The following GALNT13 variants were observed in gnomAD, a reference collection of about 807,000 sequenced individuals.
GALNT13 encodes UDP-GalNAc:polypeptide N-acetylgalactosaminyltransferase 13.
A neutral mutation model predicts 64.2 loss-of-function variants in GALNT13; 28 were observed. The observed-to-expected ratio is 0.44, with a 90% CI of 0.32 to 0.60. The LOEUF is 0.60. GALNT13 is among the 20% of genes least tolerant of loss of function. GALNT13 has a pLI of 0.05. For synonymous variants in GALNT13, 214 were observed against 224.6 expected (o/e 0.95, Z 0.42); for missense variants, 577 against 669.8 (o/e 0.86, Z 1.53).
the GALNT13 span, among the ~76,000 whole-genome samples, chr2:153,217,500 C>A: frequency 6.6e-6 from 1 of 151,984 alleles, no homozygotes; most frequent in East Asian, 1.9e-4. Flanking sequence ...CTCCTGGATG[C>A]TGTTTTATTT....
At chr2:154,343,650 T>C (rs926513386) in intron 9 of GALNT13, among the ~76,000 whole-genome samples, 1 of 152,084 alleles carries the variant, frequency 6.6e-6, no homozygotes, top group Non-Finnish European at 1.5e-5. Flanking sequence ...CTTACCTATG[T>C]TGATCTTGAA....
At chr2:153,121,686 G>A in the GALNT13 span, among the ~76,000 whole-genome samples, 7 of 152,008 alleles carry the variant, frequency 4.6e-5, no homozygotes, top group Non-Finnish European at 8.8e-5. Context: ...CCACGACCAT[G>A]CCTGTCTATT....
intron 7 of GALNT13, 82 bp from the exon 8 acceptor site, chr2:154,258,939 C>T: frequency 2.8e-6 from 2 of 719,010 alleles, no homozygotes; most frequent in Non-Finnish European, 4.8e-6. Context: ...TAGAATGTCT[C>T]AAAAATACGT....
chr2:153,082,898 G>A, the GALNT13 span, among the ~76,000 whole-genome samples: 211 of 150,564 alleles, frequency 1.4e-3, no homozygotes, highest in African/African-American at 4.9e-3. Context: ...GCACAGTCTC[G>A]GCTCACTGCA....
At chr2:154,134,518 T>C (rs775290249) in intron 3 of GALNT13, among the ~76,000 whole-genome samples, 1 of 152,188 alleles carries the variant, frequency 6.6e-6, no homozygotes, top group Non-Finnish European at 1.5e-5. Context: ...AGAATATTAA[T>C]TGCATTGCTG....
chr2:153,676,930 T>C, the GALNT13 span, among the ~76,000 whole-genome samples: 1 of 151,988 alleles, frequency 6.6e-6, no homozygotes, highest in Non-Finnish European at 1.5e-5. Context: ...TCATACCGAA[T>C]GGGCAAAAGC....
chr2:153,077,054 C>G, the GALNT13 span, among the ~76,000 whole-genome samples: 1 of 152,014 alleles, frequency 6.6e-6, no homozygotes, highest in Non-Finnish European at 1.5e-5. Context: ...TGGGTTCAAG[C>G]AATTCTCCTG....
At chr2:153,600,561 C>A in the GALNT13 span, among the ~76,000 whole-genome samples, 1 of 151,902 alleles carries the variant, frequency 6.6e-6, no homozygotes, top group East Asian at 1.9e-4. Context: ...ACTCCTGGGT[C>A]TGCACTAGTG....
At chr2:153,267,201 G>A in the GALNT13 span, among the ~76,000 whole-genome samples, 1 of 152,218 alleles carries the variant, frequency 6.6e-6, no homozygotes, top group Non-Finnish European at 1.5e-5. Flanking sequence ...CTGTGGCTCT[G>A]TAAGGTACAG....
chr2:153,801,802 C>T, the GALNT13 span, among the ~76,000 whole-genome samples: 1 of 152,070 alleles, frequency 6.6e-6, no homozygotes, highest in East Asian at 1.9e-4. Flanking sequence ...ATCTGAAAAG[C>T]ATAATAAACA....
intron 3 of GALNT13, among the ~76,000 whole-genome samples, chr2:154,119,118 A>G (rs1681778792): frequency 6.6e-6 from 1 of 152,156 alleles, no homozygotes; most frequent in Non-Finnish European, 1.5e-5. Context: ...AGGCAGGTCT[A>G]GTGATGTTAT....
intron 8 of GALNT13, among the ~76,000 whole-genome samples, chr2:154,281,487 C>T (rs1434198994): frequency 1.3e-5 from 2 of 152,104 alleles, no homozygotes; most frequent in African/African-American, 4.8e-5. Flanking sequence ...GTGTGGTGAT[C>T]AATCCTAAAG....
the GALNT13 span, among the ~76,000 whole-genome samples, chr2:153,767,310 C>A: frequency 6.6e-6 from 1 of 152,028 alleles, no homozygotes; most frequent in South Asian, 2.1e-4. Context: ...GGGTAGTATT[C>A]CATGGTGTAT....
chr2:153,953,186 T>A (rs1392766500), intron 3 of GALNT13, among the ~76,000 whole-genome samples: 1 of 152,186 alleles, frequency 6.6e-6, no homozygotes, highest in Non-Finnish European at 1.5e-5. Flanking sequence ...GAAGGAAACC[T>A]ACCTTTCTTT....
chr2:153,150,913 T>A, the GALNT13 span, among the ~76,000 whole-genome samples: 1 of 152,120 alleles, frequency 6.6e-6, no homozygotes, highest in African/African-American at 2.4e-5. Flanking sequence ...GCATGATGCC[T>A]CCAGCTTTGT....
At chr2:154,284,778 C>T (rs1206223263) in intron 8 of GALNT13, among the ~76,000 whole-genome samples, 2 of 152,100 alleles carry the variant, frequency 1.3e-5, no homozygotes, top group African/African-American at 4.8e-5. Context: ...AACTATCTCC[C>T]AAAATAGCTG....
the GALNT13 span, among the ~76,000 whole-genome samples, chr2:153,705,525 C>A: frequency 1.3e-5 from 2 of 152,092 alleles, no homozygotes; most frequent in Non-Finnish European, 2.9e-5. Context: ...CTGACCTAGG[C>A]TGGGTTTGTT....
At chr2:153,512,189 C>G in the GALNT13 span, among the ~76,000 whole-genome samples, 1 of 152,126 alleles carries the variant, frequency 6.6e-6, no homozygotes, top group Non-Finnish European at 1.5e-5. Flanking sequence ...GACGGTTATT[C>G]AGATCCAGAT....
the GALNT13 span, among the ~76,000 whole-genome samples, chr2:153,739,795 A>G: frequency 4.0e-5 from 6 of 151,644 alleles, no homozygotes; most frequent in Admixed American, 2.6e-4. Context: ...AATTTTTACA[A>G]CTATTGTCAT....
Sources: allele counts gnomAD v4.1 joint callset (sites outside exome capture counted in the v4.1 genomes callset), GRCh38; gene constraint gnomAD v4.1.1; transcripts MANE v1.5; gene names NCBI Gene and HGNC (gene_info 2026-07-23, HGNC 2026-07-21).